Variants in ADGRB3 observed in about 807,000 individuals in gnomAD.
The protein encoded by ADGRB3 is brain-specific angiogenesis inhibitor 3.
ADGRB3 carries 37 observed loss-of-function variants against 193.4 expected under a neutral mutation model. The observed-to-expected ratio is 0.19, with a 90% CI of 0.15 to 0.25. ADGRB3 has a LOEUF of 0.25. Among genes scored for constraint, ADGRB3 ranks in the 10% least tolerant of loss-of-function variants. ADGRB3 has a pLI of 1.00. For synonymous variants in ADGRB3, 690 were observed against 644.2 expected (o/e 1.07, Z -1.08); for missense variants, 1,637 against 1,852.9 (o/e 0.88, Z 2.14).
chr6:68,789,513 C>G (rs558920991), intron 3 of ADGRB3, among the ~76,000 whole-genome samples: 1 of 152,212 alleles, frequency 6.6e-6, no homozygotes, highest in African/African-American at 2.4e-5. Context: ...AGAGTTTCTG[C>G]GGAGAGATCA....
intron 11 of ADGRB3, 75 bp from the exon 12 acceptor site, chr6:69,013,963 C>T (rs1210057211): frequency 6.1e-6 from 6 of 975,684 alleles, no homozygotes; most frequent in Non-Finnish European, 7.6e-6. Flanking sequence ...ACCACGTAGT[C>T]AACCCAAATG....
chr6:69,200,118 TA>T (rs1481855982), intron 17 of ADGRB3, among the ~76,000 whole-genome samples: 15 of 149,846 alleles, frequency 1.0e-4, no homozygotes, highest in African/African-American at 3.7e-4. Context: ...TTACCAGAAA[TA>T]AAGTTTTAAT....
Position 69,265,729 on chromosome 6 carries a change from T to C in ADGRB3, c.2814+26503T>C, listed in dbSNP as rs1401652307. On this transcript the variant is annotated intron_variant, in intron 20 of 31. Coordinates refer to ENST00000370598, the MANE Select transcript of ADGRB3 (RefSeq NM_001704.3). The stretch of plus-strand genomic sequence containing the variant: ...AATAGAATTGCTCCTGGCCACTTTG[T>C]TTCTATCTTTCTATTTCCCCCAAAT... 2.0e-5 allele frequency among the ~76,000 whole-genome samples: 3 copies of C among 152,014 alleles called. No homozygotes were observed. The East Asian group carries it at 5.8e-4, about 29-fold the overall frequency.
rs557414200 is a variant in ADGRB3, at chr6:68,863,771, G to C, written c.758-66788G>C. Among the ~76,000 whole-genome samples, 12 of 152,210 alleles carry C rather than the reference G, an allele frequency of 7.9e-5. No individual in the cohort carries two copies. In the East Asian group the frequency reaches 2.3e-3, roughly 29 times the overall value. On this transcript the variant is annotated intron_variant, in intron 3 of 31. Coordinates refer to ENST00000370598, the MANE Select transcript of ADGRB3 (RefSeq NM_001704.3). ...TTATTGCCTGTAAGCTCAGAAATCA[G>C]CCTTACTTAGGCTCTCTCAATATCC...
chr6:68,785,084 T>A (rs1422207996), intron 3 of ADGRB3, among the ~76,000 whole-genome samples: 1 of 152,164 alleles, frequency 6.6e-6, no homozygotes, highest in African/African-American at 2.4e-5. Flanking sequence ...CTATTTATTT[T>A]GCAAAATAAT....
At position 68,956,806 on chromosome 6, in the gene ADGRB3, C is replaced by G. The variant is rs1768089332; in HGVS notation, c.1522C>G (p.Pro508Ala). 2 of 1,612,302 alleles carry G rather than the reference C, an allele frequency of 1.2e-6. No individual in the cohort carries two copies. Among genetic ancestry groups the G allele is most frequent in the African/African-American group, 2.7e-5 (2 of 74,718 alleles). Residue 508 changes from proline to alanine, a missense_variant, in exon 8 of 32, where the codon CCT becomes GCT. Pro to Ala is a conservative substitution (Grantham distance 27). Transcript: ENST00000370598. ...GAGAAGATGCAATGAGCAGCGATGCCCTGGTGAGAATGAACCCAAATTATC... is the reference window on the plus strand; with the variant it reads ...GAGAAGATGCAATGAGCAGCGATGCGCTGGTGAGAATGAACCCAAATTATC... ...EVRRCNEQRC[P>A]APYEICPEDY... is the part of the protein sequence containing the mutation.
intron 3 of ADGRB3, among the ~76,000 whole-genome samples, chr6:68,693,783 T>G (rs1279496086): frequency 1.3e-5 from 2 of 151,982 alleles, no homozygotes; most frequent in Non-Finnish European, 2.9e-5. Context: ...ATGAATGTAG[T>G]GAAGAAAACT....
rs1446179509 is a variant in ADGRB3 at position 68,885,870 on chromosome 6, G to C, written c.758-44689G>C. 2.6e-5 allele frequency among the ~76,000 whole-genome samples: 4 copies of C among 152,092 alleles called. No homozygotes were observed. In the East Asian group the frequency reaches 7.7e-4, roughly 29 times the overall value. On this transcript the variant is annotated intron_variant, in intron 3 of 31. Coordinates refer to ENST00000370598, the MANE Select transcript of ADGRB3 (RefSeq NM_001704.3). ...AAAGAGGAAATGGTCAAATTTAGAG[G>C]CTTAGAGTCAAAATCCTAGACTAAG...
At chr6:69,053,325 G>A (rs1006989422) in intron 15 of ADGRB3, among the ~76,000 whole-genome samples, 1 of 152,128 alleles carries the variant, frequency 6.6e-6, no homozygotes, top group African/African-American at 2.4e-5. Flanking sequence ...ATGTCCATTA[G>A]GTAACTGAGT....
chr6:68,749,548 A>C (rs1471175811), intron 3 of ADGRB3, among the ~76,000 whole-genome samples: 2 of 152,014 alleles, frequency 1.3e-5, no homozygotes, highest in East Asian at 3.9e-4. Context: ...ATGTTGAATA[A>C]AAATGGTTTC....
chr6:68,927,903 T>G (rs1265100293), intron 3 of ADGRB3, among the ~76,000 whole-genome samples: 2 of 152,146 alleles, frequency 1.3e-5, no homozygotes, highest in Non-Finnish European at 2.9e-5. Flanking sequence ...CAATTCAAAC[T>G]TCTGATTATG....
rs191953841 is a variant in ADGRB3 at position 69,277,646 on chromosome 6, C to T, written c.2814+38420C>T. On this transcript the variant is annotated intron_variant, in intron 20 of 31. Transcript: ENST00000370598. ...AGTTATGATCTGCTGCTATGGATTTCTATAGAGCTAATGCTTCTCCCACCT... is the reference window on the plus strand; with the variant it reads ...AGTTATGATCTGCTGCTATGGATTTTTATAGAGCTAATGCTTCTCCCACCT... Among the ~76,000 whole-genome samples, 74 of 152,190 alleles carry T rather than the reference C, an allele frequency of 4.9e-4. 1 individual carries two copies. In the East Asian group the frequency reaches 0.012, roughly 25 times the overall value.
chr6:68,645,930 T>A (rs1010331586), intron 3 of ADGRB3, among the ~76,000 whole-genome samples: 1 of 151,684 alleles, frequency 6.6e-6, no homozygotes, highest in Non-Finnish European at 1.5e-5. Context: ...TGCCTCGGCC[T>A]CCCAAGTGCT....
chr6:68,964,359 T>G (rs1368492135), intron 8 of ADGRB3, among the ~76,000 whole-genome samples: 1 of 152,148 alleles, frequency 6.6e-6, no homozygotes, highest in African/African-American at 2.4e-5. Context: ...AAATAGTGGT[T>G]CCTAAAGCCT....
intron 3 of ADGRB3, among the ~76,000 whole-genome samples, chr6:68,841,294 A>G (rs1768154547): frequency 6.6e-6 from 1 of 152,190 alleles, no homozygotes; most frequent in African/African-American, 2.4e-5. Flanking sequence ...CAGCTACAGA[A>G]TGCACATTCT....
In ADGRB3 at chr6:68,829,062, TG is replaced by T. The variant is rs1347003453; in HGVS notation, c.758-101496del. 2.6e-4 allele frequency among the ~76,000 whole-genome samples: 39 copies of T among 151,486 alleles called. No homozygotes were observed. The East Asian group carries it at 3.5e-3, about 14-fold the overall frequency. ...ATATCTCAGAGAAAACAAATCAGGT[TG>T]TTTTTTTTTTAATAGCTGTTTAAGT... On this transcript the variant is annotated intron_variant, in intron 3 of 31. Coordinates refer to ENST00000370598, the MANE Select transcript of ADGRB3 (RefSeq NM_001704.3).
chr6:68,688,573 G>C (rs1218409469), intron 3 of ADGRB3, among the ~76,000 whole-genome samples: 2 of 152,098 alleles, frequency 1.3e-5, no homozygotes, highest in African/African-American at 4.8e-5. Flanking sequence ...TCAGTAGGAG[G>C]GGAGAATGTA....
At chr6:69,155,104 T>C (rs1774796463) in intron 17 of ADGRB3, among the ~76,000 whole-genome samples, 1 of 152,236 alleles carries the variant, frequency 6.6e-6, no homozygotes, top group Admixed American at 6.5e-5. Context: ...AGACTTGATT[T>C]ATTAAGTTGG....
chr6:69,331,592 G>T, intron 23 of ADGRB3: 1 of 985,228 alleles, frequency 1.0e-6, no homozygotes, highest in Non-Finnish European at 1.2e-6. Context: ...TAATTTGCAA[G>T]AAAAATAAAA....
Sources: gnomAD v4.1 joint callset for allele counts (sites outside exome capture counted in the v4.1 genomes callset) on GRCh38, gnomAD v4.1.1 for gene constraint, MANE v1.5 for transcripts, NCBI Gene and HGNC (gene_info 2026-07-23, HGNC 2026-07-21) for gene names.